ADAM19: variants seen among roughly 807,000 people sequenced by gnomAD.
ADAM19 encodes the protein ADAM metallopeptidase domain 19, also known as disintegrin and metalloproteinase domain-containing protein 19.
ADAM19 carries 65 observed loss-of-function variants against 114.7 expected under a neutral mutation model. That is an observed-to-expected ratio of 0.57 (90% CI 0.46 to 0.70). ADAM19 has a LOEUF of 0.70. Ranked by LOEUF, ADAM19 falls within the 30% of genes least tolerant of loss-of-function variation. The pLI, the probability that ADAM19 is intolerant of heterozygous loss-of-function variation, is 0.00. For missense variants in ADAM19, 1,063 were observed against 1,204.7 expected (o/e 0.88, Z 1.74); for synonymous variants, 466 against 460.5 (o/e 1.01, Z -0.15).
At chr5:157,533,903 G>A in intron 4 of ADAM19, among the ~76,000 whole-genome samples, 1 of 152,236 alleles carries the variant, frequency 6.6e-6, no homozygotes, top group African/African-American at 2.4e-5. Flanking sequence ...AGGAGGCGGA[G>A]GTTGCAGTGA....
At chr5:157,570,811 C>T in intron 2 of ADAM19, 84 bp downstream of exon 2, 7 of 1,202,676 alleles carry the variant, frequency 5.8e-6, no homozygotes, top group Non-Finnish European at 6.1e-6. Flanking sequence ...ATGGTGATGA[C>T]TGGGATTCTA....
chr5:157,520,726 G>A (rs918209050), intron 5 of ADAM19, among the ~76,000 whole-genome samples: 6 of 152,184 alleles, frequency 3.9e-5, no homozygotes, highest in Non-Finnish European at 7.3e-5. Flanking sequence ...GTGATGACAC[G>A]CCTACTTGTC....
chr5:157,488,972 G>A (rs1264452900), intron 20 of ADAM19, 130 bp downstream of exon 20: 6 of 686,210 alleles, frequency 8.7e-6, no homozygotes, highest in South Asian at 1.7e-5. Context: ...GGAGCTTGCA[G>A]TGAGCTGAGA....
chr5:157,495,011 A>G (rs893586109), intron 14 of ADAM19, among the ~76,000 whole-genome samples: 2 of 151,356 alleles, frequency 1.3e-5, no homozygotes, highest in African/African-American at 4.9e-5. Flanking sequence ...TTTCTTTCAG[A>G]TGGATTCTCG....
chr5:157,575,581 C>A (rs914324985), intron 1 of ADAM19, 22 bp downstream of exon 1: 12 of 1,447,380 alleles, frequency 8.3e-6, no homozygotes, highest in African/African-American at 3.0e-5. Context: ...CAGCCTCCAT[C>A]CCCCCGCGCC....
chr5:157,518,198 A>C (rs1756149009), intron 7 of ADAM19, among the ~76,000 whole-genome samples: 1 of 152,128 alleles, frequency 6.6e-6, no homozygotes, highest in Non-Finnish European at 1.5e-5. Context: ...CAGAATAAAC[A>C]CCAGAATCTA....
intron 5 of ADAM19, among the ~76,000 whole-genome samples, chr5:157,528,138 C>T (rs1756524546): frequency 6.6e-6 from 1 of 152,228 alleles, no homozygotes; most frequent in African/African-American, 2.4e-5. Flanking sequence ...GTTGCAGCTG[C>T]TCCTTCTCCA....
intron 8 of ADAM19, among the ~76,000 whole-genome samples, chr5:157,510,412 T>G (rs1033451617): frequency 1.3e-5 from 2 of 152,154 alleles, no homozygotes; most frequent in African/African-American, 4.8e-5. Flanking sequence ...AGGCAGGGGT[T>G]GCGGTGAGCC....
intron 1 of ADAM19, chr5:157,572,212 A>G: frequency 2.2e-6 from 1 of 445,066 alleles, no homozygotes; most frequent in South Asian, 1.6e-5. Context: ...CAGCCTCCCG[A>G]GTAGCTGGGA....
At chr5:157,553,330 A>C (rs953341294) in intron 3 of ADAM19, among the ~76,000 whole-genome samples, 3 of 152,226 alleles carry the variant, frequency 2.0e-5, no homozygotes, top group African/African-American at 7.2e-5. Context: ...TACTCACAAA[A>C]ATTAAAAATT....
chr5:157,538,697 T>C (rs1356644308), intron 3 of ADAM19, among the ~76,000 whole-genome samples: 2 of 152,212 alleles, frequency 1.3e-5, no homozygotes, highest in African/African-American at 4.8e-5. Context: ...GACATTGGTT[T>C]CTCTCACCAC....
intron 3 of ADAM19, among the ~76,000 whole-genome samples, chr5:157,549,755 T>C (rs1757138537): frequency 6.6e-6 from 1 of 152,234 alleles, no homozygotes; most frequent in Non-Finnish European, 1.5e-5. Context: ...GCCTAGTCTC[T>C]ACAGCACCTA....
Position 157,575,625 on chromosome 5 carries a change from C to T in ADAM19, c.72G>A (p.Ala24=), listed in dbSNP as rs1757952270. ...AFALQPLRPR[A]AREPGWTRGS... is the part of the protein sequence containing the mutation. ...TACTTGTCCATCCAGGCTCCCGCGC[C>T]GCCCGCGGCCGGAGGGGCTGCAGGG... is the stretch of plus-strand genomic sequence containing the variant. Residue 24 remains alanine (A), a synonymous_variant, in exon 1 of 23, where the codon GCG becomes GCA. Coordinates refer to ENST00000257527, the MANE Select transcript of ADAM19 (RefSeq NM_033274.5). The T allele has an allele frequency of 1.4e-6, 2 of 1,443,992 alleles. No individual in the cohort carries two copies. Among genetic ancestry groups the T allele is most frequent in the African/African-American group, 1.5e-5 (1 of 67,442 alleles). The allele number at this position is 1,443,992 out of a possible 1,614,324, so 89.4% of individuals were successfully genotyped here.
intron 3 of ADAM19, among the ~76,000 whole-genome samples, chr5:157,548,579 ATAGTACC>A (rs1757108029): frequency 6.6e-6 from 1 of 152,224 alleles, no homozygotes; most frequent in Non-Finnish European, 1.5e-5. Flanking sequence ...AACTTGCCCC[ATAGTACC>A]CAGAAGACTA....
intron 5 of ADAM19, among the ~76,000 whole-genome samples, chr5:157,523,407 T>G (rs1261333016): frequency 6.6e-6 from 1 of 152,128 alleles, no homozygotes; most frequent in East Asian, 1.9e-4. Context: ...GTAGGAGGTG[T>G]TAGGGTCATG....
intron 8 of ADAM19, 140 bp downstream of exon 8, chr5:157,513,294 G>T: frequency 1.4e-6 from 1 of 722,776 alleles, no homozygotes; most frequent in Admixed American, 2.4e-5. Flanking sequence ...GCTCTGTCAT[G>T]ACCGCCCTGG....
chr5:157,525,843 C>G (rs1014285507), intron 5 of ADAM19, among the ~76,000 whole-genome samples: 3 of 152,208 alleles, frequency 2.0e-5, no homozygotes, highest in Non-Finnish European at 4.4e-5. Context: ...CTCTCTCCCT[C>G]TCTCACAGAA....
intron 3 of ADAM19, among the ~76,000 whole-genome samples, chr5:157,554,418 G>C (rs1160491112): frequency 1.3e-5 from 2 of 152,262 alleles, no homozygotes; most frequent in African/African-American, 4.8e-5. Context: ...CCTGGAAGGA[G>C]AGCCGGAACC....
chr5:157,560,819 T>C (rs550239911), intron 3 of ADAM19, among the ~76,000 whole-genome samples: 1 of 152,266 alleles, frequency 6.6e-6, no homozygotes, highest in Non-Finnish European at 1.5e-5. Context: ...AATTGCTACA[T>C]GTTTTACAAT....
Sources: allele counts gnomAD v4.1 joint callset (sites outside exome capture counted in the v4.1 genomes callset), GRCh38; gene constraint gnomAD v4.1.1; transcripts MANE v1.5; gene names NCBI Gene and HGNC (gene_info 2026-07-23, HGNC 2026-07-21).